Variants in ZNF251 observed in about 807,000 individuals in gnomAD.
The protein encoded by ZNF251 is zinc finger protein 251.
In ZNF251, 14 loss-of-function variants were observed where a neutral mutation model predicts 13.5. The ratio of observed to expected loss-of-function variants is 1.04; its 90% CI spans 0.69 to 1.63. The LOEUF (loss-of-function observed/expected upper bound fraction) is 1.63, where lower values mean the gene tolerates loss of function less well. Among genes scored for constraint, ZNF251 ranks in the 40% most tolerant of loss-of-function variants. ZNF251 has a pLI of 0.00. For synonymous variants in ZNF251, 287 were observed against 295.2 expected (o/e 0.97, Z 0.28); for missense variants, 764 against 834.9 (o/e 0.92, Z 1.05).
rs1171646435 is a variant in ZNF251, at chr8:144,734,341, C to T, written c.278-10959G>A. 6.6e-6 allele frequency among the ~76,000 whole-genome samples: 1 copy of T among 152,236 alleles called. No homozygotes were observed. The highest frequency in any genetic ancestry group is 1.5e-5 in the Non-Finnish European group (1 of 68,042). ...GTCCCTGTGGCTGTCGGCCCTGTCC[C>T]CCAACTCCAGCGGGTGTCACGGGTC... On this transcript the variant is annotated intron_variant, in intron 4 of 4. Coordinates refer to ENST00000292562, the MANE Select transcript of ZNF251 (RefSeq NM_138367.2). This position sits in a 1 kb window ranked among gnomAD's most constrained non-coding sequence, Gnocchi z 4.4.
intron 4 of ZNF251, among the ~76,000 whole-genome samples, chr8:144,745,705 C>T (rs542462254): frequency 1.2e-4 from 18 of 152,126 alleles, no homozygotes; most frequent in East Asian, 7.7e-4. Flanking sequence ...TGCCACCAGG[C>T]CTAGCTAACA....
chr8:144,754,189 C>G lies in ZNF251; in HGVS notation c.163+3G>C. On this transcript the variant is annotated splice_donor_region_variant and intron_variant, in intron 3 of 4. Transcript: ENST00000292562. The stretch of plus-strand genomic sequence containing the variant: ...GAACCAGGCCAAGTGCAGAGAGCCT[C>G]ACCCAGAGAGGCCACGTTCCCATAG... The G allele has an allele frequency of 6.2e-7, 1 of 1,612,268 alleles. No individual in the cohort carries two copies. Among genetic ancestry groups the G allele is most frequent in the Non-Finnish European group, 8.5e-7 (1 of 1,178,832 alleles).
rs1238924738 is a variant in ZNF251, at chr8:144,734,078, CTG to C, written c.278-10698_278-10697del. 6.6e-6 allele frequency among the ~76,000 whole-genome samples: 1 copy of C among 152,198 alleles called. No individual in the cohort carries two copies. ...GACTGTTGGGCAGGTAAGCGTGGCT[CTG>C]TGTTTCCGAAATCCTGACCCAGGAG... On this transcript the variant is annotated intron_variant, in intron 4 of 4. Coordinates refer to ENST00000292562, the MANE Select transcript of ZNF251 (RefSeq NM_138367.2). This position sits in a 1 kb window ranked among gnomAD's most constrained non-coding sequence, Gnocchi z 4.4.
chr8:144,747,787 T>C (rs891265479), intron 4 of ZNF251, among the ~76,000 whole-genome samples: 6 of 152,150 alleles, frequency 3.9e-5, no homozygotes, highest in Non-Finnish European at 8.8e-5. Flanking sequence ...TAATTTTGTA[T>C]TTTTAGTAGA....
intron 4 of ZNF251, among the ~76,000 whole-genome samples, chr8:144,736,712 G>C (rs934230412): frequency 2.6e-5 from 4 of 151,944 alleles, no homozygotes; most frequent in Admixed American, 1.3e-4. Flanking sequence ...GGCTGGTCTT[G>C]AACTCCCGAC....
chr8:144,737,290 G>T (rs1563762002), intron 4 of ZNF251, among the ~76,000 whole-genome samples: 1 of 151,768 alleles, frequency 6.6e-6, no homozygotes, highest in Non-Finnish European at 1.5e-5. Context: ...TAGAGATGGG[G>T]TTTTACTATG....
intron 4 of ZNF251, among the ~76,000 whole-genome samples, chr8:144,732,550 C>G (rs113630087): frequency 2.0e-5 from 3 of 152,158 alleles, no homozygotes; most frequent in Non-Finnish European, 2.9e-5. Context: ...CGGTGGCTCA[C>G]GCCTGTAATC....
chr8:144,751,796 A>G (rs1365797258), intron 4 of ZNF251, among the ~76,000 whole-genome samples: 1 of 152,194 alleles, frequency 6.6e-6, no homozygotes, highest in Non-Finnish European at 1.5e-5. Flanking sequence ...AACAAGACCC[A>G]ATTGTATGAT....
intron 4 of ZNF251, among the ~76,000 whole-genome samples, chr8:144,752,246 T>C (rs1824734380): frequency 6.6e-6 from 1 of 152,046 alleles, no homozygotes; most frequent in Non-Finnish European, 1.5e-5. Context: ...AGAATACACA[T>C]TCTTTTTCAG....
intron 4 of ZNF251, among the ~76,000 whole-genome samples, chr8:144,737,177 A>G (rs1391023982): frequency 6.6e-6 from 1 of 152,004 alleles, no homozygotes; most frequent in Non-Finnish European, 1.5e-5. Context: ...AGCTCATGGC[A>G]GTCTTGACCT....
intron 4 of ZNF251, among the ~76,000 whole-genome samples, chr8:144,726,891 G>A (rs7009312): frequency 0.066 from 9,969 of 151,744 alleles, 1,044 homozygotes; most frequent in African/African-American, 0.23. Context: ...AAAAAGAAAA[G>A]AAAAAAAGAA....
intron 4 of ZNF251, among the ~76,000 whole-genome samples, chr8:144,745,360 T>C (rs1824373470): frequency 6.6e-6 from 1 of 152,120 alleles, no homozygotes; most frequent in Non-Finnish European, 1.5e-5. Flanking sequence ...ATCTATTTTT[T>C]CTGTTTTTTG....
At chr8:144,747,600 G>T (rs190043896) in intron 4 of ZNF251, among the ~76,000 whole-genome samples, 1 of 152,174 alleles carries the variant, frequency 6.6e-6, no homozygotes. Flanking sequence ...ATCAGTTTTC[G>T]CATCACATAT....
chr8:144,726,645 T>C (rs1235890597), intron 4 of ZNF251, among the ~76,000 whole-genome samples: 1 of 151,400 alleles, frequency 6.6e-6, no homozygotes, highest in Admixed American at 6.6e-5. Context: ...CCGAGGCGGG[T>C]GGATCACAAG....
At chr8:144,732,135 A>G (rs565798588) in intron 4 of ZNF251, among the ~76,000 whole-genome samples, 1 of 150,550 alleles carries the variant, frequency 6.6e-6, no homozygotes, top group African/African-American at 2.4e-5. Flanking sequence ...GTAAAGACGG[A>G]GTTTACCATG....
chr8:144,724,845 A>C (rs1823471858), intron 4 of ZNF251, among the ~76,000 whole-genome samples: 1 of 152,242 alleles, frequency 6.6e-6, no homozygotes, highest in South Asian at 2.1e-4. Context: ...CTTTTATTGA[A>C]CATAGATATA....
chr8:144,746,009 C>T lies in ZNF251; in HGVS notation c.277+7674G>A, dbSNP rs147333434. Among the ~76,000 whole-genome samples, 4 of 152,278 alleles carry T rather than the reference C, an allele frequency of 2.6e-5. No individual in the cohort carries two copies. The South Asian group carries it at 6.2e-4, about 24-fold the overall frequency. ...TGTATTTTTCCTCACAGATTTTGTA[C>T]ATATTTTGTTAGACTTACACCTCAG... On this transcript the variant is annotated intron_variant, in intron 4 of 4. Transcript: ENST00000292562.
intron 4 of ZNF251, among the ~76,000 whole-genome samples, chr8:144,726,286 C>A (rs1161010931): frequency 6.6e-6 from 1 of 150,904 alleles, no homozygotes; most frequent in Non-Finnish European, 1.5e-5. Context: ...GTTATCCCAG[C>A]ACTTTGGGAG....
chr8:144,750,846 GTT>G (rs58473905), intron 4 of ZNF251, among the ~76,000 whole-genome samples: 1 of 141,312 alleles, frequency 7.1e-6, no homozygotes, highest in Non-Finnish European at 1.5e-5. Context: ...TCTCTCCAGA[GTT>G]TTTTTTTTTT....
Sources: allele counts gnomAD v4.1 joint callset (sites outside exome capture counted in the v4.1 genomes callset), GRCh38; gene constraint gnomAD v4.1.1; non-coding constraint Gnocchi (gnomAD v3.1); transcripts MANE v1.5; gene names NCBI Gene and HGNC (gene_info 2026-07-23, HGNC 2026-07-21).